The following MGMT variants were observed in gnomAD, a reference collection of about 807,000 sequenced individuals.
MGMT encodes O-6-methylguanine-DNA methyltransferase.
In MGMT, 14 loss-of-function variants were observed where a neutral mutation model predicts 15.9. That is an observed-to-expected ratio of 0.88 (90% CI 0.58 to 1.37). The LOEUF (loss-of-function observed/expected upper bound fraction) is 1.37. MGMT is among the 40% of genes most tolerant of loss of function. MGMT has a pLI of 0.00. For missense variants in MGMT, 282 were observed against 268.1 expected (o/e 1.05, Z -0.36); for synonymous variants, 130 against 118.2 (o/e 1.10, Z -0.65).
chr10:129,703,864 C>T (rs569524786), intron 2 of MGMT, among the ~76,000 whole-genome samples: 1 of 152,232 alleles, frequency 6.6e-6, no homozygotes, highest in Admixed American at 6.5e-5. Flanking sequence ...GTGCCAGGCC[C>T]AGGTGGCTTG....
intron 3 of MGMT, among the ~76,000 whole-genome samples, chr10:129,749,677 T>C (rs1246184381): frequency 6.6e-6 from 1 of 152,190 alleles, no homozygotes; most frequent in African/African-American, 2.4e-5. Flanking sequence ...AGGCTCTGTC[T>C]TTGAAAGAAA....
chr10:129,651,260 C>A (rs1220331308), intron 2 of MGMT, among the ~76,000 whole-genome samples: 1 of 152,162 alleles, frequency 6.6e-6, no homozygotes, highest in Non-Finnish European at 1.5e-5. Flanking sequence ...GCTCGTTTCT[C>A]CAGTACCTGC....
rs376632825 is a variant in MGMT at position 129,741,076 on chromosome 10, G to A, written c.275-18126G>A. 3.3e-5 allele frequency among the ~76,000 whole-genome samples: 5 copies of A among 152,262 alleles called. No homozygotes were observed. The East Asian group carries it at 5.8e-4, about 18-fold the overall frequency. ...TTATTGGCTGGCCACTGGGTACCAA[G>A]GACCATGGCGGGCACTCTGGAATGC... is the stretch of plus-strand genomic sequence containing the variant. On this transcript the variant is annotated intron_variant, in intron 3 of 4. Coordinates refer to ENST00000651593, the MANE Select transcript of MGMT (RefSeq NM_002412.5).
chr10:129,510,463 G>A (rs138018640), intron 1 of MGMT, among the ~76,000 whole-genome samples: 4 of 152,272 alleles, frequency 2.6e-5, no homozygotes, highest in African/African-American at 9.6e-5. Flanking sequence ...ACGTGTCTTG[G>A]GGAAAACACT....
At chr10:129,617,306 A>G (rs1316417227) in intron 2 of MGMT, among the ~76,000 whole-genome samples, 1 of 152,204 alleles carries the variant, frequency 6.6e-6, no homozygotes, top group Non-Finnish European at 1.5e-5. Flanking sequence ...TATATTTACC[A>G]CATGTTCTTT....
intron 2 of MGMT, among the ~76,000 whole-genome samples, chr10:129,687,847 AGC>A (rs1847924843): frequency 2.2e-5 from 3 of 135,418 alleles, no homozygotes; most frequent in Non-Finnish European, 4.8e-5. Context: ...TCCCTCCCCC[AGC>A]CCCCCACCCC....
intron 1 of MGMT, among the ~76,000 whole-genome samples, chr10:129,524,028 G>T (rs948420474): frequency 6.6e-6 from 1 of 152,164 alleles, no homozygotes; most frequent in African/African-American, 2.4e-5. Context: ...GACCTGTGTT[G>T]AAGACAAGGT....
intron 2 of MGMT, among the ~76,000 whole-genome samples, chr10:129,614,157 A>C (rs375844849): frequency 6.6e-6 from 1 of 152,076 alleles, no homozygotes; most frequent in Non-Finnish European, 1.5e-5. Context: ...GTCTGACTAC[A>C]TCACATAAGT....
At chr10:129,730,317 G>A (rs994968059) in intron 3 of MGMT, among the ~76,000 whole-genome samples, 2 of 152,162 alleles carry the variant, frequency 1.3e-5, no homozygotes, top group East Asian at 1.9e-4. Flanking sequence ...TGGGCAAGAC[G>A]AGGGACATTA....
chr10:129,670,018 T>G (rs1425503404), intron 2 of MGMT, among the ~76,000 whole-genome samples: 1 of 152,198 alleles, frequency 6.6e-6, no homozygotes. Context: ...CGTTACTACC[T>G]CTGCTAAGTC....
intron 1 of MGMT, among the ~76,000 whole-genome samples, chr10:129,522,674 C>T (rs1423628849): frequency 6.6e-6 from 1 of 152,242 alleles, no homozygotes; most frequent in Non-Finnish European, 1.5e-5. Flanking sequence ...CACATGGCTT[C>T]TTTGCAAACA....
At chr10:129,734,363 T>A (rs888789805) in intron 3 of MGMT, among the ~76,000 whole-genome samples, 2 of 143,552 alleles carry the variant, frequency 1.4e-5, no homozygotes, top group African/African-American at 4.9e-5. Flanking sequence ...TCTCTGTTTG[T>A]CTGTTATTGG....
At chr10:129,560,399 C>T (rs1259180893) in intron 2 of MGMT, among the ~76,000 whole-genome samples, 1 of 152,186 alleles carries the variant, frequency 6.6e-6, no homozygotes, top group Non-Finnish European at 1.5e-5. Flanking sequence ...CAGCTCCAGG[C>T]AGTAATGCAT....
intron 2 of MGMT, among the ~76,000 whole-genome samples, chr10:129,645,118 CTTTTTT>C (rs10606297): frequency 8.2e-6 from 1 of 121,944 alleles, no homozygotes; most frequent in African/African-American, 3.2e-5. Flanking sequence ...CCTGAAAGCC[CTTTTTT>C]TTTTTTTTTT....
chr10:129,597,954 C>T (rs557132444), intron 2 of MGMT, among the ~76,000 whole-genome samples: 2 of 152,140 alleles, frequency 1.3e-5, no homozygotes, highest in Non-Finnish European at 2.9e-5. Context: ...AGAGAGATGT[C>T]GTTCGGTGGG....
intron 1 of MGMT, among the ~76,000 whole-genome samples, chr10:129,489,202 T>C (rs957661747): frequency 6.6e-6 from 1 of 151,358 alleles, no homozygotes; most frequent in Non-Finnish European, 1.5e-5. Flanking sequence ...TTACTAAAAA[T>C]AGAAAAAATT....
At chr10:129,503,127 C>T (rs1308882441) in intron 1 of MGMT, among the ~76,000 whole-genome samples, 2 of 147,584 alleles carry the variant, frequency 1.4e-5, no homozygotes, top group Admixed American at 6.7e-5. Flanking sequence ...TTATTATTAT[C>T]CTCCAGCTCC....
intron 1 of MGMT, among the ~76,000 whole-genome samples, chr10:129,513,804 A>G (rs1845709505): frequency 6.6e-6 from 1 of 152,174 alleles, no homozygotes; most frequent in African/African-American, 2.4e-5. Context: ...TTCATTGCGG[A>G]CAGAGGCTTC....
intron 2 of MGMT, among the ~76,000 whole-genome samples, chr10:129,601,851 G>A (rs1846826049): frequency 1.3e-5 from 2 of 152,168 alleles, no homozygotes; most frequent in South Asian, 4.1e-4. Flanking sequence ...TGGTAGTAGA[G>A]TGCTTGGTGT....
Sources: allele counts gnomAD v4.1 joint callset (sites outside exome capture counted in the v4.1 genomes callset), GRCh38; gene constraint gnomAD v4.1.1; transcripts MANE v1.5; gene names NCBI Gene and HGNC (gene_info 2026-07-23, HGNC 2026-07-21).